KCND2: variants seen among roughly 807,000 people sequenced by gnomAD.
KCND2 encodes potassium voltage-gated channel subfamily D member 2, also known as A-type voltage-gated potassium channel KCND2.
A neutral mutation model predicts 54.4 loss-of-function variants in KCND2; 16 were observed. The observed-to-expected ratio is 0.29, with a 90% CI of 0.20 to 0.45. The LOEUF is 0.45. KCND2 is among the 20% of genes least tolerant of loss of function. KCND2 has a pLI of 1.00. For missense variants in KCND2, 486 were observed against 824.2 expected, an observed-to-expected ratio of 0.59 and a Z score of 5.02; for synonymous variants, 317 against 310.7, an observed-to-expected ratio of 1.02 and a Z score of -0.21.
intron 1 of KCND2, among the ~76,000 whole-genome samples, chr7:120,355,283 C>T (rs922156171): frequency 3.9e-5 from 6 of 152,188 alleles, no homozygotes; most frequent in African/African-American, 4.8e-5. Flanking sequence ...TACAGTGGCT[C>T]ATGCCATAAT....
chr7:120,483,460 A>C (rs138712954), intron 1 of KCND2, among the ~76,000 whole-genome samples: 1 of 152,324 alleles, frequency 6.6e-6, no homozygotes, highest in African/African-American at 2.4e-5. Flanking sequence ...GTGATAGGTA[A>C]AACAATAGAA....
intron 1 of KCND2, among the ~76,000 whole-genome samples, chr7:120,677,516 A>AATATAT (rs528603766): frequency 2.2e-4 from 28 of 129,636 alleles, no homozygotes; most frequent in African/African-American, 6.0e-4. Flanking sequence ...TAAGAATTCA[A>AATATAT]ATATATATAT....
chr7:120,611,067 A>C (rs78059775), intron 1 of KCND2, among the ~76,000 whole-genome samples: 1,598 of 152,290 alleles, frequency 0.01, 33 homozygotes, highest in African/African-American at 0.037. Flanking sequence ...TTGCTTACTG[A>C]ATGCAGTGTC....
intron 1 of KCND2, among the ~76,000 whole-genome samples, chr7:120,342,773 A>G (rs1320614560): frequency 6.6e-6 from 1 of 152,150 alleles, no homozygotes; most frequent in Non-Finnish European, 1.5e-5. Flanking sequence ...ATAATATGGG[A>G]AATTTAAAGA....
intron 1 of KCND2, among the ~76,000 whole-genome samples, chr7:120,418,238 A>G (rs891888261): frequency 3.3e-5 from 5 of 152,170 alleles, no homozygotes; most frequent in Non-Finnish European, 5.9e-5. Context: ...ACAAGGATAT[A>G]TGCCTTTCAG....
intron 1 of KCND2, among the ~76,000 whole-genome samples, chr7:120,441,575 T>C (rs1033408524): frequency 1.3e-5 from 2 of 152,130 alleles, no homozygotes; most frequent in Non-Finnish European, 2.9e-5. Flanking sequence ...ATAAATGCCT[T>C]GTAAAAATAA....
At chr7:120,296,750 A>G (rs1483753524) in intron 1 of KCND2, among the ~76,000 whole-genome samples, 1 of 152,108 alleles carries the variant, frequency 6.6e-6, no homozygotes, top group African/African-American at 2.4e-5. Flanking sequence ...CATTTGAAAT[A>G]GTCATTGGAT....
At chr7:120,616,756 G>A (rs966761310) in intron 1 of KCND2, among the ~76,000 whole-genome samples, 4 of 152,076 alleles carry the variant, frequency 2.6e-5, no homozygotes, top group Admixed American at 2.0e-4. Flanking sequence ...AGTGTGCCTT[G>A]TGTGTGTGTT....
At chr7:120,682,446 G>A (rs769294390) in intron 1 of KCND2, among the ~76,000 whole-genome samples, 1 of 152,072 alleles carries the variant, frequency 6.6e-6, no homozygotes, top group Non-Finnish European at 1.5e-5. Context: ...TGTAAAATGT[G>A]TTAAGATTCC....
chr7:120,315,931 G>A (rs1237480848), intron 1 of KCND2, among the ~76,000 whole-genome samples: 1 of 151,980 alleles, frequency 6.6e-6, no homozygotes, highest in Non-Finnish European at 1.5e-5. Flanking sequence ...GGTGTTTGTG[G>A]ATGTATCAGA....
chr7:120,684,355 A>G (rs1792175589), intron 1 of KCND2, among the ~76,000 whole-genome samples: 1 of 152,206 alleles, frequency 6.6e-6, no homozygotes, highest in Non-Finnish European at 1.5e-5. Context: ...AAGATTAATC[A>G]GGAGAAAAAA....
intron 1 of KCND2, among the ~76,000 whole-genome samples, chr7:120,558,907 A>C (rs1056116441): frequency 1.3e-5 from 2 of 152,172 alleles, no homozygotes; most frequent in Admixed American, 1.3e-4. Context: ...TGAATGGTCC[A>C]TAGCATCATT....
chr7:120,603,454 C>G (rs1276311563), intron 1 of KCND2, among the ~76,000 whole-genome samples: 1 of 152,160 alleles, frequency 6.6e-6, no homozygotes, highest in East Asian at 1.9e-4. Flanking sequence ...CAGAGATGGC[C>G]TTGAGTTCAA....
chr7:120,588,565 A>G (rs906213088), intron 1 of KCND2, among the ~76,000 whole-genome samples: 5 of 151,990 alleles, frequency 3.3e-5, no homozygotes, highest in Admixed American at 3.3e-4. Flanking sequence ...GCAGAGCACT[A>G]TTCACCCTGC....
intron 1 of KCND2, among the ~76,000 whole-genome samples, chr7:120,462,312 C>T (rs1802295362): frequency 6.6e-6 from 1 of 151,398 alleles, no homozygotes; most frequent in Non-Finnish European, 1.5e-5. Context: ...GGTTATTAAA[C>T]TTGAGAAAAT....
chr7:120,633,634 G>A (rs34938824), intron 1 of KCND2, among the ~76,000 whole-genome samples: 2,528 of 152,276 alleles, frequency 0.017, 35 homozygotes, highest in Non-Finnish European at 0.026. Context: ...TACAGATGAG[G>A]AAACTGGGAT....
At chr7:120,452,869 G>T (rs556410113) in intron 1 of KCND2, among the ~76,000 whole-genome samples, 2 of 152,124 alleles carry the variant, frequency 1.3e-5, no homozygotes, top group East Asian at 3.9e-4. Context: ...AGAGCAGGGC[G>T]GTCATGCCCC....
intron 1 of KCND2, among the ~76,000 whole-genome samples, chr7:120,607,595 T>C (rs1274009438): frequency 1.3e-5 from 2 of 152,102 alleles, no homozygotes; most frequent in African/African-American, 4.8e-5. Flanking sequence ...CCCTTTTAGG[T>C]AGATTCAAAA....
intron 1 of KCND2, among the ~76,000 whole-genome samples, chr7:120,674,278 C>T (rs548657808): frequency 8.5e-5 from 13 of 152,224 alleles, no homozygotes; most frequent in African/African-American, 3.1e-4. Flanking sequence ...CTTAAATGAC[C>T]TGCCACAGGC....
Sources: allele counts gnomAD v4.1 joint callset (sites outside exome capture counted in the v4.1 genomes callset), GRCh38; gene constraint gnomAD v4.1.1; transcripts MANE v1.5; gene names NCBI Gene and HGNC (gene_info 2026-07-23, HGNC 2026-07-21).